DDX54: variants seen among roughly 807,000 people sequenced by gnomAD.
DDX54 encodes DEAD-box helicase 54.
DDX54 carries 67 observed loss-of-function variants against 105.5 expected under a neutral mutation model. The ratio of observed to expected loss-of-function variants is 0.64; its 90% CI spans 0.52 to 0.78. The LOEUF (loss-of-function observed/expected upper bound fraction) is 0.78, where lower values mean the gene tolerates loss of function less well. Among genes scored for constraint, DDX54 ranks in the 30% least tolerant of loss-of-function variants. The pLI, the probability that DDX54 is intolerant of heterozygous loss-of-function variation, is 0.00. For synonymous variants in DDX54, 514 were observed against 509.9 expected, an observed-to-expected ratio of 1.01 and a Z score of -0.11; for missense variants, 1,206 against 1,230.5, an observed-to-expected ratio of 0.98 and a Z score of 0.30.
At chr12:113,164,521 C>T (rs1425577370) in intron 14 of DDX54, among the ~76,000 whole-genome samples, 2 of 152,022 alleles carry the variant, frequency 1.3e-5, no homozygotes, top group Non-Finnish European at 2.9e-5. Flanking sequence ...CGAGACTAGC[C>T]TGGCCAACAC....
intron 11 of DDX54, among the ~76,000 whole-genome samples, chr12:113,171,776 G>A (rs1315178829): frequency 2.0e-5 from 3 of 152,038 alleles, no homozygotes; most frequent in East Asian, 3.9e-4. Context: ...CCAAAATGAC[G>A]GCCATGTCAT....
At chr12:113,177,305 A>G (rs1394430094) in intron 5 of DDX54, 6 of 577,988 alleles carry the variant, frequency 1.0e-5, no homozygotes, top group African/African-American at 1.9e-5. Context: ...GTAACAACAG[A>G]GTTCCTCTGA....
chr12:113,165,819 C>A lies in DDX54; in HGVS notation c.1628G>T (p.Gly543Val). The part of the protein sequence containing the change: ...RAKEMDLVGL[G>V]LHPLFSSRFE... ...GGACTCACTGAAGAGGGGGTGCAGG[C>A]CCAGCCCCACAAGGTCCATCTCCTT... Residue 543 changes from glycine (G) to valine (V), a missense_variant, in exon 13 of 20, where the codon GGC becomes GTC. Physicochemically the swap from Gly to Val is moderately radical, Grantham distance 109. Around this residue, in one of 3 missense-constraint regions of DDX54, gnomAD observed 961 missense variants for 1,019.1 expected, o/e 0.94. Coordinates refer to ENST00000306014, the MANE Select transcript of DDX54 (RefSeq NM_024072.4). 1.9e-6 allele frequency: 3 copies of A among 1,606,140 alleles called. No homozygotes were observed. Among genetic ancestry groups the A allele is most frequent in the Non-Finnish European group, 2.6e-6 (3 of 1,174,830 alleles).
In DDX54 at chr12:113,172,582, G is replaced by A. The variant is rs1228584368; in HGVS notation, c.1069-19C>T. ...TCAGCAGCTGCTCAGAGCAAAGATG[G>A]TAGCAAAGTGAGAAGGAGACTTGGA... On this transcript the variant is annotated intron_variant, in intron 10 of 19. Transcript: ENST00000306014. 1.2e-6 allele frequency: 2 copies of A among 1,612,322 alleles called. No individual in the cohort carries two copies. The highest frequency in any genetic ancestry group is 1.7e-6 in the Non-Finnish European group (2 of 1,179,034).
chr12:113,161,259 C>T lies in DDX54; in HGVS notation c.2413+11G>A, dbSNP rs1200741888. On this transcript the variant is annotated intron_variant, in intron 19 of 19. Coordinates refer to ENST00000306014, the MANE Select transcript of DDX54 (RefSeq NM_024072.4). ...TACCTGTGCACCCACACTCCCCACC[C>T]TGGCTCTCACCTTGGCCACGGTCTC... The T allele has an allele frequency of 1.9e-6, 3 of 1,607,006 alleles. No individual in the cohort carries two copies. The highest frequency in any genetic ancestry group is 1.3e-5 in the African/African-American group (1 of 74,806).
chr12:113,165,513 C>G, intron 14 of DDX54, 131 bp downstream of exon 14: 1 of 952,446 alleles, frequency 1.0e-6, no homozygotes, highest in East Asian at 2.8e-5. Flanking sequence ...TGGGGTCCTG[C>G]TGGGGGTCAG....
chr12:113,179,476 C>A (rs943942083), intron 3 of DDX54, 145 bp from the exon 4 acceptor site: 2 of 927,802 alleles, frequency 2.2e-6, no homozygotes, highest in East Asian at 5.3e-5. Flanking sequence ...CCTATTCTTG[C>A]CCATTCTTTC....
chr12:113,172,929 T>C (rs929273735), intron 10 of DDX54, among the ~76,000 whole-genome samples: 15 of 152,202 alleles, frequency 9.9e-5, no homozygotes, highest in Middle Eastern at 3.2e-3. Context: ...TCCTCATCTG[T>C]ACGAATAACT....
intron 17 of DDX54, among the ~76,000 whole-genome samples, chr12:113,162,530 T>C (rs992211617): frequency 4.6e-5 from 7 of 152,290 alleles, no homozygotes; most frequent in Admixed American, 3.9e-4. Flanking sequence ...CAGGATCAGA[T>C]GGGAGTGAGG....
chr12:113,165,609 G>T lies in DDX54; in HGVS notation c.1719+35C>A. ...CTGTCTCTGGGCTCCACAGAGCCAG[G>T]ACTCAGAGCGTGGTCTCCACCCGGC... On this transcript the variant is annotated intron_variant, in intron 14 of 19. Transcript: ENST00000306014. The T allele has an allele frequency of 1.9e-6, 3 of 1,566,670 alleles. No individual in the cohort carries two copies. The South Asian group carries it at 3.6e-5, about 19-fold the overall frequency.
chr12:113,157,447 C>T lies in DDX54; in HGVS notation c.*1430G>A, dbSNP rs1952141824. The T allele has an allele frequency of 3.1e-6, 2 of 650,730 alleles. No individual in the cohort carries two copies. 40.3% of individuals were successfully genotyped at this position (650,730 alleles called of 1,614,324 possible). On this transcript the variant is annotated 3_prime_UTR_variant, in exon 20 of 20. Transcript: ENST00000306014. ...CAAAACCCAGAACGGTTTAGGATCTCAGTCACCACCTCTGGGAACCACCAT... is the reference window on the plus strand; with the variant it reads ...CAAAACCCAGAACGGTTTAGGATCTTAGTCACCACCTCTGGGAACCACCAT...
rs766776293 is a variant in DDX54, at chr12:113,164,082, C to T, written c.1923G>A (p.Ala641=). 15 of 1,549,274 alleles carry T rather than the reference C, an allele frequency of 9.7e-6. No homozygotes were observed. Among genetic ancestry groups the T allele is most frequent in the South Asian group, 3.6e-5 (3 of 83,912 alleles). ...KQPEKEEEEE[A]GESVEDIFSE... ...GAACCTGTACCTCCACACTCTCTCC[C>T]GCCTCCTCCTCCTCCTCCTTCTCAG... is the stretch of plus-strand genomic sequence containing the variant. Residue 641 remains alanine, a synonymous_variant, in exon 15 of 20, where the codon GCG becomes GCA. Coordinates refer to ENST00000306014, the MANE Select transcript of DDX54 (RefSeq NM_024072.4).
At chr12:113,173,592 C>A (rs1197089201) in intron 10 of DDX54, among the ~76,000 whole-genome samples, 1 of 152,172 alleles carries the variant, frequency 6.6e-6, no homozygotes, top group Admixed American at 6.5e-5. Context: ...GTCACACAGG[C>A]ATAACACATA....
At chr12:113,167,391 T>C (rs1021385444) in intron 12 of DDX54, among the ~76,000 whole-genome samples, 5 of 151,282 alleles carry the variant, frequency 3.3e-5, no homozygotes, top group African/African-American at 1.2e-4. Context: ...TAAAATAAAA[T>C]GAAATAAAAT....
At chr12:113,183,863 T>G (rs1432799065) in intron 1 of DDX54, 2 of 152,022 alleles carry the variant, frequency 1.3e-5, no homozygotes, top group East Asian at 3.9e-4. Flanking sequence ...CACAGCTCAC[T>G]GTACTCTCCG....
rs1202504430 is a variant in DDX54 at position 113,159,188 on chromosome 12, C to T, written c.2414-79G>A. On this transcript the variant is annotated intron_variant, in intron 19 of 19. Transcript: ENST00000306014. ...CCTCCTCCCAGAAGCTTGCAGACTCCTCCCCTGCCCCTACTCCTGTTCTGT... is the reference window on the plus strand; with the variant it reads ...CCTCCTCCCAGAAGCTTGCAGACTCTTCCCCTGCCCCTACTCCTGTTCTGT... 4 of 1,410,662 alleles carry T rather than the reference C, an allele frequency of 2.8e-6. No homozygotes were observed. In the South Asian group the frequency reaches 3.9e-5, roughly 14 times the overall value. 87.4% of individuals were successfully genotyped at this position (1,410,662 alleles called of 1,614,324 possible).
intron 1 of DDX54, among the ~76,000 whole-genome samples, chr12:113,182,182 G>A (rs1952475728): frequency 6.6e-6 from 1 of 152,160 alleles, no homozygotes; most frequent in South Asian, 2.1e-4. Context: ...GAGGCACAGA[G>A]ATACAGTGAC....
At chr12:113,175,467 G>C (rs1952391489) in intron 7 of DDX54, among the ~76,000 whole-genome samples, 1 of 152,110 alleles carries the variant, frequency 6.6e-6, no homozygotes, top group Admixed American at 6.5e-5. Flanking sequence ...GAACACCCTA[G>C]GCGAGATCCC....
At chr12:113,174,821 C>G (rs1952381998) in intron 9 of DDX54, 50 bp from the exon 10 acceptor site, 1 of 1,614,078 alleles carries the variant, frequency 6.2e-7, no homozygotes, top group South Asian at 1.1e-5. Flanking sequence ...TGGCCCAGGG[C>G]CTGCAGGGCC....
Sources: allele counts gnomAD v4.1 joint callset (sites outside exome capture counted in the v4.1 genomes callset), GRCh38; gene constraint gnomAD v4.1.1; regional missense constraint gnomAD v4.1.1; transcripts MANE v1.5; gene names NCBI Gene and HGNC (gene_info 2026-07-23, HGNC 2026-07-21).